Variants in DOCK11 observed in about 807,000 individuals in gnomAD.
DOCK11 encodes the protein dedicator of cytokinesis protein 11.
A neutral mutation model predicts 169.1 loss-of-function variants in DOCK11; 70 were observed. That is an observed-to-expected ratio of 0.41 (90% CI 0.34 to 0.51). The LOEUF is 0.51. Ranked by LOEUF, DOCK11 falls within the 20% of genes least tolerant of loss-of-function variation. The pLI, the probability that DOCK11 is intolerant of heterozygous loss-of-function variation, is 0.10. For missense variants in DOCK11, 1,166 were observed against 1,538.8 expected, an observed-to-expected ratio of 0.76 and a Z score of 4.05; for synonymous variants, 529 against 541.3, an observed-to-expected ratio of 0.98 and a Z score of 0.32.
chrX:118,631,636 TG>T (rs1453823828), intron 35 of DOCK11, among the ~76,000 whole-genome samples: 1 of 111,057 alleles, frequency 9.0e-6, no homozygotes, highest in Non-Finnish European at 1.9e-5. Flanking sequence ...TCTCAGTAAA[TG>T]TTTTTTTTTA....
At chrX:118,603,723 A>T (rs780178906) in intron 23 of DOCK11, among the ~76,000 whole-genome samples, 1 of 112,216 alleles carries the variant, frequency 8.9e-6, no homozygotes, top group African/African-American at 3.2e-5. Flanking sequence ...GTGCTTGGCT[A>T]TTGGAAGTTC....
intron 10 of DOCK11, among the ~76,000 whole-genome samples, chrX:118,571,841 G>A (rs183888757): frequency 1.4e-4 from 16 of 112,055 alleles, no homozygotes; most frequent in Admixed American, 1.3e-3. Flanking sequence ...CAGAAGTGTC[G>A]ACTGATCAGA....
intron 44 of DOCK11, among the ~76,000 whole-genome samples, chrX:118,655,350 G>A (rs2016041736): frequency 9.0e-6 from 1 of 111,129 alleles, no homozygotes; most frequent in African/African-American, 3.3e-5. Flanking sequence ...ACAGGGCCAG[G>A]CCTGATGCCC....
intron 1 of DOCK11, among the ~76,000 whole-genome samples, chrX:118,501,269 A>G (rs1003448388): frequency 3.6e-5 from 4 of 111,145 alleles, no homozygotes; most frequent in Admixed American, 9.6e-5. Context: ...TCACCTGAGG[A>G]CAGGAGTTTG....
intron 52 of DOCK11, among the ~76,000 whole-genome samples, chrX:118,683,928 TTA>T (rs2016797231): frequency 8.9e-6 from 1 of 112,159 alleles, no homozygotes; most frequent in Non-Finnish European, 1.9e-5. Flanking sequence ...AAGAAAACTC[TTA>T]GTTTCTATTG....
chrX:118,556,195 C>T (rs1486719587), intron 6 of DOCK11, among the ~76,000 whole-genome samples: 1 of 107,989 alleles, frequency 9.3e-6, no homozygotes, highest in East Asian at 2.9e-4. Flanking sequence ...CAGGTGTGCA[C>T]CACCACGCCC....
intron 34 of DOCK11, 71 bp from the exon 35 acceptor site, chrX:118,630,304 TAAAA>T (rs1314111094): frequency 1.0e-5 from 6 of 579,415 alleles, no homozygotes; most frequent in Non-Finnish European, 1.1e-5. Flanking sequence ...GATCTAATGA[TAAAA>T]AAAGAGTTAC....
chrX:118,575,377 C>A (rs894794160), intron 12 of DOCK11, among the ~76,000 whole-genome samples: 5 of 112,221 alleles, frequency 4.5e-5, no homozygotes, highest in Non-Finnish European at 9.4e-5. Flanking sequence ...ATTGATTTAG[C>A]TACTTAAGAC....
chrX:118,555,697 C>T (rs1051718086), intron 6 of DOCK11, among the ~76,000 whole-genome samples: 5 of 111,675 alleles, frequency 4.5e-5, no homozygotes, highest in Non-Finnish European at 7.5e-5. Context: ...GGTGTCATTA[C>T]TGCAACTCAC....
At position 118,567,999 on chromosome X, in the gene DOCK11, C is replaced by T. The variant is rs41300205; in HGVS notation, c.952-80C>T. On this transcript the variant is annotated intron_variant, in intron 9 of 52. Transcript: ENST00000276202. Reference sequence around the variant, plus strand: ...TGAAGCTGTGACAGATTGATAGTTTCACATAAACTATACATTTAAATAGTA... The same window carrying T: ...TGAAGCTGTGACAGATTGATAGTTTTACATAAACTATACATTTAAATAGTA... 815 of 471,293 alleles carry T rather than the reference C, an allele frequency of 1.7e-3. 7 individuals are homozygous for T. The East Asian group carries it at 0.031, about 18-fold the overall frequency. The allele number at this position is 471,293 out of a possible 1,213,427, so 38.8% of individuals were successfully genotyped here. A position where few individuals can be genotyped will look rare whatever the true frequency, so the allele number is the denominator to read the frequency against.
At position 118,542,663 on chromosome X, in the gene DOCK11, T is replaced by C. The variant is rs1302209797; in HGVS notation, c.103-62T>C. On this transcript the variant is annotated intron_variant, in intron 1 of 52. Transcript: ENST00000276202. Reference sequence around the variant, plus strand: ...TGAGAAGTAATGTATCTTTAGTACATAGAAAGTTATTTAACTCTTGTGAGT... The same window carrying C: ...TGAGAAGTAATGTATCTTTAGTACACAGAAAGTTATTTAACTCTTGTGAGT... 4.8e-6 allele frequency: 4 copies of C among 837,123 alleles called. No homozygotes were observed. In the East Asian group the frequency reaches 1.2e-4, roughly 26 times the overall value. 69.0% of individuals were successfully genotyped at this position (837,123 alleles called of 1,213,427 possible).
chrX:118,514,684 C>T (rs1280207498), intron 1 of DOCK11, among the ~76,000 whole-genome samples: 3 of 112,037 alleles, frequency 2.7e-5, no homozygotes, highest in Admixed American at 9.5e-5. Flanking sequence ...CTTTTTCAAA[C>T]ACATTTCTAT....
chrX:118,500,403 A>G (rs1249929806), intron 1 of DOCK11, among the ~76,000 whole-genome samples: 1 of 111,427 alleles, frequency 9.0e-6, no homozygotes, highest in African/African-American at 3.3e-5. Flanking sequence ...CTAGAAAAAC[A>G]GAAAAGTAAG....
At chrX:118,496,865 G>A (rs1236452905) in intron 1 of DOCK11, among the ~76,000 whole-genome samples, 1 of 111,286 alleles carries the variant, frequency 9.0e-6, no homozygotes, top group East Asian at 2.9e-4. Context: ...GAGGACCTGG[G>A]GTCAGAGCCC....
intron 12 of DOCK11, among the ~76,000 whole-genome samples, chrX:118,576,742 A>C (rs1423331110): frequency 1.8e-5 from 2 of 112,675 alleles, no homozygotes; most frequent in African/African-American, 6.4e-5. Flanking sequence ...TCTTAAAATT[A>C]TAGTCCTCAT....
At position 118,638,087 on chromosome X, in the gene DOCK11, T is replaced by G. The variant is rs371384067; in HGVS notation, c.3961T>G (p.Leu1321Val). The G allele has an allele frequency of 2.5e-6, 3 of 1,204,204 alleles. No individual in the cohort carries two copies. The highest frequency in any genetic ancestry group is 3.4e-6 in the Non-Finnish European group (3 of 889,456). ...TATTGTTTTTCTTTCTAGAGTATGC[T>G]TGTTTCACTTTAGATATATGGGGAA... ...INILILLEVC[L>V]FHFRYMGKRN... The change falls in exon 37 of 53, where the codon TTG (leucine) becomes GTG (valine). Residue 1321 changes from leucine to valine, a missense_variant. Transcript: ENST00000276202.
At chrX:118,654,992 G>T in intron 44 of DOCK11, 31 bp downstream of exon 44, 1 of 1,152,025 alleles carries the variant, frequency 8.7e-7, no homozygotes, top group Non-Finnish European at 1.2e-6. Context: ...GAGATGGGGG[G>T]ATTTTCATTT....
At chrX:118,568,454 C>T (rs2013159940) in intron 10 of DOCK11, among the ~76,000 whole-genome samples, 1 of 81,005 alleles carries the variant, frequency 1.2e-5, no homozygotes, top group Non-Finnish European at 2.3e-5. Context: ...CTTTTCACTT[C>T]CTTTTGCTCC....
At chrX:118,669,869 C>T (rs755768532) in intron 45 of DOCK11, among the ~76,000 whole-genome samples, 1 of 111,499 alleles carries the variant, frequency 9.0e-6, no homozygotes, top group East Asian at 2.8e-4. Context: ...TGTTCCTTGA[C>T]TTCCCCTGAC....
Sources: allele counts gnomAD v4.1 joint callset (sites outside exome capture counted in the v4.1 genomes callset), GRCh38; gene constraint gnomAD v4.1.1; transcripts MANE v1.5; gene names NCBI Gene and HGNC (gene_info 2026-07-23, HGNC 2026-07-21).